The following RORA variants were observed in gnomAD, a reference collection of about 807,000 sequenced individuals.
RORA encodes nuclear receptor ROR-alpha.
A neutral mutation model predicts 69.5 loss-of-function variants in RORA; 7 were observed. The ratio of observed to expected loss-of-function variants is 0.10; its 90% CI spans 0.06 to 0.19. The LOEUF is 0.19. Among genes scored for constraint, RORA ranks in the 10% least tolerant of loss-of-function variants. The probability of loss-of-function intolerance (pLI) is 1.00; values close to 1 mark genes in which losing one functional copy is unlikely to be tolerated. For missense variants in RORA, 457 were observed against 663.0 expected (o/e 0.69, Z 3.41); for synonymous variants, 261 against 240.8 (o/e 1.08, Z -0.78).
At chr15:61,136,478 T>C (rs2079241345) in intron 1 of RORA, among the ~76,000 whole-genome samples, 1 of 152,184 alleles carries the variant, frequency 6.6e-6, no homozygotes, top group Admixed American at 6.5e-5. Flanking sequence ...ATTTAAGTCC[T>C]TTTTTTCTTT....
At position 60,558,063 on chromosome 15, in the gene RORA, G is replaced by A. The variant is rs865777529; in HGVS notation, c.197-26212C>T. Reference sequence around the variant, plus strand: ...TGGGAACCTTAGTAGTGCCAATGACGAAAGAGAGAATTAAATATGGGTGAT... The same window carrying A: ...TGGGAACCTTAGTAGTGCCAATGACAAAAGAGAGAATTAAATATGGGTGAT... On this transcript the variant is annotated intron_variant, in intron 2 of 10. Transcript: ENST00000335670. 34 of 437,276 alleles carry A rather than the reference G, an allele frequency of 7.8e-5. 1 individual carries two copies. The highest frequency in any genetic ancestry group is 1.2e-4 in the Non-Finnish European group (29 of 247,546). The allele number at this position is 437,276 out of a possible 1,614,324, so 27.1% of individuals were successfully genotyped here.
At position 60,734,535 on chromosome 15, in the gene RORA, T is replaced by C. The variant is rs2071473737; in HGVS notation, c.167-55849A>G. Among the ~76,000 whole-genome samples the C allele has an allele frequency of 2.6e-5, 4 of 152,352 alleles. No individual in the cohort carries two copies. In the South Asian group the frequency reaches 6.2e-4, roughly 24 times the overall value. ...ACACTGCAAAGACAAGACACGTTTT[T>C]GAGTCTGTGGAGCTGAAAGTTTGTC... On this transcript the variant is annotated intron_variant, in intron 1 of 10. Transcript: ENST00000335670.
At chr15:61,221,894 T>C (rs772707758) in intron 1 of RORA, among the ~76,000 whole-genome samples, 12 of 151,454 alleles carry the variant, frequency 7.9e-5, no homozygotes, top group Non-Finnish European at 1.5e-4. Context: ...CAGTAGTACA[T>C]GCCTGTAGTC....
At chr15:61,069,936 C>A (rs1324917087) in intron 1 of RORA, among the ~76,000 whole-genome samples, 1 of 152,118 alleles carries the variant, frequency 6.6e-6, no homozygotes, top group African/African-American at 2.4e-5. Flanking sequence ...ACAGAACTGC[C>A]TCACAGTCTC....
intron 1 of RORA, chr15:61,182,935 A>AGGGATC (rs1276755272): frequency 1.3e-5 from 2 of 152,302 alleles, no homozygotes; most frequent in African/African-American, 4.8e-5. Context: ...TGCTCTTCAC[A>AGGGATC]GGGATCAAGA....
At chr15:61,009,350 T>C (rs1007432556) in intron 1 of RORA, among the ~76,000 whole-genome samples, 2 of 152,214 alleles carry the variant, frequency 1.3e-5, no homozygotes, top group South Asian at 4.1e-4. Context: ...CTTGCAGCCC[T>C]CGTTTCACTC....
intron 1 of RORA, among the ~76,000 whole-genome samples, chr15:60,878,905 C>A (rs2073648628): frequency 6.6e-6 from 1 of 152,182 alleles, no homozygotes; most frequent in Admixed American, 6.5e-5. Context: ...AATTTAAGCT[C>A]CTTGGATTCC....
At chr15:60,967,427 A>C (rs958038876) in intron 1 of RORA, among the ~76,000 whole-genome samples, 3 of 152,214 alleles carry the variant, frequency 2.0e-5, no homozygotes, top group Non-Finnish European at 2.9e-5. Context: ...TAGGAGGGAC[A>C]GAAGCAGTTA....
chr15:60,525,175 G>A (rs1319815428), intron 3 of RORA, among the ~76,000 whole-genome samples: 2 of 152,106 alleles, frequency 1.3e-5, no homozygotes, highest in Non-Finnish European at 2.9e-5. Flanking sequence ...CATTTTATAG[G>A]GTATCAAATA....
At chr15:60,810,044 C>T (rs1345804497) in intron 1 of RORA, among the ~76,000 whole-genome samples, 2 of 152,036 alleles carry the variant, frequency 1.3e-5, no homozygotes, top group Admixed American at 1.3e-4. Flanking sequence ...TGGGGACTCT[C>T]TTCACTCTCT....
At chr15:60,729,879 T>C (rs1270300038) in intron 1 of RORA, among the ~76,000 whole-genome samples, 1 of 152,266 alleles carries the variant, frequency 6.6e-6, no homozygotes, top group African/African-American at 2.4e-5. Context: ...GCTTTAAGGC[T>C]AGTTGTGGAC....
At chr15:60,904,472 T>G (rs984957425) in intron 1 of RORA, among the ~76,000 whole-genome samples, 1 of 152,158 alleles carries the variant, frequency 6.6e-6, no homozygotes, top group African/African-American at 2.4e-5. Flanking sequence ...AGGGTCACTG[T>G]GAGAGAATCT....
chr15:60,934,709 CTT>C (rs1435551670), intron 1 of RORA, among the ~76,000 whole-genome samples: 1 of 152,204 alleles, frequency 6.6e-6, no homozygotes, highest in African/African-American at 2.4e-5. Flanking sequence ...GGGAGCCACA[CTT>C]TGAGAACCAC....
At chr15:60,977,125 A>AAC (rs1208607990) in intron 1 of RORA, among the ~76,000 whole-genome samples, 2 of 151,744 alleles carry the variant, frequency 1.3e-5, no homozygotes, top group African/African-American at 2.4e-5. Flanking sequence ...GAAAAAAAAA[A>AAC]AAAAAACCTA....
chr15:61,159,421 C>A (rs2079474848), intron 1 of RORA, among the ~76,000 whole-genome samples: 1 of 152,088 alleles, frequency 6.6e-6, no homozygotes, highest in Admixed American at 6.6e-5. Context: ...ACAGCTAATC[C>A]CTTTCTTCCA....
chr15:60,810,086 C>T (rs2072720405), intron 1 of RORA, among the ~76,000 whole-genome samples: 1 of 152,062 alleles, frequency 6.6e-6, no homozygotes, highest in Non-Finnish European at 1.5e-5. Context: ...TTTAGAGCCT[C>T]CTGTCTTTCT....
chr15:60,793,092 T>C (rs2072440970), intron 1 of RORA, among the ~76,000 whole-genome samples: 1 of 152,004 alleles, frequency 6.6e-6, no homozygotes, highest in Admixed American at 6.6e-5. Context: ...TGTGTGACCT[T>C]GGGCAAAAAG....
At chr15:60,716,847 T>C (rs996892011) in intron 1 of RORA, among the ~76,000 whole-genome samples, 1 of 152,208 alleles carries the variant, frequency 6.6e-6, no homozygotes, top group African/African-American at 2.4e-5. Context: ...AGGGAGGGCA[T>C]GGAAGCTCCG....
At chr15:61,114,524 T>C (rs2079033504) in intron 1 of RORA, among the ~76,000 whole-genome samples, 1 of 152,228 alleles carries the variant, frequency 6.6e-6, no homozygotes, top group Admixed American at 6.5e-5. Context: ...TTGCTGTGAC[T>C]GCAAGAAATC....
Sources: gnomAD v4.1 joint callset for allele counts (sites outside exome capture counted in the v4.1 genomes callset) on GRCh38, gnomAD v4.1.1 for gene constraint, MANE v1.5 for transcripts, NCBI Gene and HGNC (gene_info 2026-07-23, HGNC 2026-07-21) for gene names.